SAMD12: variants seen among roughly 807,000 people sequenced by gnomAD.
SAMD12 encodes sterile alpha motif domain-containing protein 12.
A neutral mutation model predicts 15.0 loss-of-function variants in SAMD12; 9 were observed. The ratio of observed to expected loss-of-function variants is 0.60; its 90% CI spans 0.36 to 1.05. SAMD12 has a LOEUF of 1.05. SAMD12 is among the 50% of genes least tolerant of loss of function. The pLI is 0.01. For missense variants in SAMD12, 230 were observed against 234.2 expected (o/e 0.98, Z 0.12); for synonymous variants, 86 against 90.1 (o/e 0.96, Z 0.25).
chr8:118,337,854 T>C (rs1817160154), intron 4 of SAMD12, among the ~76,000 whole-genome samples: 2 of 152,200 alleles, frequency 1.3e-5, no homozygotes, highest in African/African-American at 4.8e-5. Context: ...AGTTCTCAAC[T>C]TAATAAGGAA....
intron 2 of SAMD12, among the ~76,000 whole-genome samples, chr8:118,534,565 C>T (rs1202021972): frequency 2.6e-5 from 4 of 152,242 alleles, no homozygotes; most frequent in African/African-American, 9.6e-5. Context: ...TTCTCCCTGT[C>T]ACTTTCAGGT....
At chr8:118,295,992 T>C (rs2130291430) in intron 4 of SAMD12, among the ~76,000 whole-genome samples, 1 of 152,248 alleles carries the variant, frequency 6.6e-6, no homozygotes. Context: ...AGTAAGGCAA[T>C]TCAGTAAAAT....
intron 4 of SAMD12, among the ~76,000 whole-genome samples, chr8:118,229,755 T>C (rs769122119): frequency 6.6e-6 from 1 of 152,110 alleles, no homozygotes; most frequent in Non-Finnish European, 1.5e-5. Context: ...TCCCCCTTCA[T>C]TACAGACACT....
intron 3 of SAMD12, among the ~76,000 whole-genome samples, chr8:118,429,036 CATA>C (rs963635689): frequency 2.0e-5 from 3 of 152,234 alleles, no homozygotes; most frequent in Admixed American, 2.0e-4. Context: ...GAATAATGGA[CATA>C]ATTTTAACAT....
intron 3 of SAMD12, among the ~76,000 whole-genome samples, chr8:118,421,947 A>G (rs2130846601): frequency 6.6e-6 from 1 of 152,332 alleles, no homozygotes. Context: ...GAGTTCTTTA[A>G]AAAAGTAAAA....
chr8:118,313,780 T>C (rs1815746134), intron 4 of SAMD12, among the ~76,000 whole-genome samples: 1 of 152,062 alleles, frequency 6.6e-6, no homozygotes, highest in Non-Finnish European at 1.5e-5. Context: ...CTGGTTTCTA[T>C]GATTTAATGG....
At chr8:118,437,321 G>A (rs1239978985) in intron 3 of SAMD12, among the ~76,000 whole-genome samples, 1 of 152,184 alleles carries the variant, frequency 6.6e-6, no homozygotes, top group Non-Finnish European at 1.5e-5. Context: ...TCAAAAAGAT[G>A]TAGACCAAAA....
intron 2 of SAMD12, among the ~76,000 whole-genome samples, chr8:118,517,756 A>T (rs1030869266): frequency 1.3e-5 from 2 of 152,160 alleles, no homozygotes; most frequent in African/African-American, 2.4e-5. Flanking sequence ...TTTTTTGGTA[A>T]TGTCTTTGCT....
chr8:118,182,079 T>A, the SAMD12 span, among the ~76,000 whole-genome samples: 5 of 152,212 alleles, frequency 3.3e-5, no homozygotes, highest in Non-Finnish European at 7.3e-5. Flanking sequence ...AGGGGCATCA[T>A]AAGAAACAGA....
At chr8:118,299,792 ATATGGC>A (rs1814921353) in intron 4 of SAMD12, among the ~76,000 whole-genome samples, 2 of 152,304 alleles carry the variant, frequency 1.3e-5, no homozygotes, top group African/African-American at 2.4e-5. Context: ...GCCTACAGAC[ATATGGC>A]TGTAGGCTGA....
intron 1 of SAMD12, among the ~76,000 whole-genome samples, chr8:118,587,707 GAAT>G (rs1827487486): frequency 6.6e-6 from 1 of 152,214 alleles, no homozygotes; most frequent in African/African-American, 2.4e-5. Flanking sequence ...AAAGTCAAGA[GAAT>G]AATAGTCACA....
Position 118,548,370 on chromosome 8 carries a change from A to G in SAMD12, c.192+32345T>C, listed in dbSNP as rs551581023. On this transcript the variant is annotated intron_variant, in intron 2 of 3. Transcript: ENST00000314727. ...ACAATGTGTTCATAATACCCTTTAC[A>G]CTAAAAACACACATACACACACACA... Among the ~76,000 whole-genome samples, 8 of 143,486 alleles carry G rather than the reference A, an allele frequency of 5.6e-5. No homozygotes were observed. The South Asian group carries it at 1.6e-3, about 28-fold the overall frequency. 94.1% of individuals were successfully genotyped at this position (143,486 alleles called of 152,430 possible). A position where few individuals can be genotyped will look rare whatever the true frequency, so the allele number is the denominator to read the frequency against.
At chr8:118,247,602 TA>T (rs1812726834) in intron 4 of SAMD12, among the ~76,000 whole-genome samples, 1 of 151,958 alleles carries the variant, frequency 6.6e-6, no homozygotes, top group African/African-American at 2.4e-5. Context: ...TATTTATTTT[TA>T]TTTTTTTGAG....
intron 1 of SAMD12, among the ~76,000 whole-genome samples, chr8:118,618,697 G>A (rs556213265): frequency 3.3e-5 from 5 of 152,018 alleles, no homozygotes; most frequent in Non-Finnish European, 5.9e-5. Flanking sequence ...AAAATCAGCC[G>A]GGCGTGGTAG....
chr8:118,546,574 A>G (rs1309155485), intron 2 of SAMD12, among the ~76,000 whole-genome samples: 1 of 152,198 alleles, frequency 6.6e-6, no homozygotes, highest in African/African-American at 2.4e-5. Flanking sequence ...TAAATGTTTA[A>G]TCTCTGTTAA....
intron 2 of SAMD12, among the ~76,000 whole-genome samples, chr8:118,575,480 T>G (rs1275190382): frequency 6.6e-6 from 1 of 152,196 alleles, no homozygotes; most frequent in Non-Finnish European, 1.5e-5. Flanking sequence ...ATATTTCATG[T>G]TAGGAGCATA....
the SAMD12 span, among the ~76,000 whole-genome samples, chr8:118,144,816 A>G: frequency 2.6e-5 from 4 of 152,208 alleles, no homozygotes; most frequent in Non-Finnish European, 5.9e-5. Context: ...GAAGGCCACA[A>G]TTAGCAAGTG....
intron 2 of SAMD12, among the ~76,000 whole-genome samples, chr8:118,533,763 C>G (rs1825756698): frequency 6.6e-6 from 1 of 151,500 alleles, no homozygotes; most frequent in Non-Finnish European, 1.5e-5. Context: ...GAATTGCAAC[C>G]CTTGCTTTTT....
chr8:118,203,823 C>A (rs1183179733), intron 4 of SAMD12, among the ~76,000 whole-genome samples: 1 of 149,492 alleles, frequency 6.7e-6, no homozygotes, highest in East Asian at 2.0e-4. Flanking sequence ...TGAGTGAGAA[C>A]ATGCGGTGTT....
Sources: gnomAD v4.1 joint callset for allele counts (sites outside exome capture counted in the v4.1 genomes callset) on GRCh38, gnomAD v4.1.1 for gene constraint, MANE v1.5 for transcripts, NCBI Gene and HGNC (gene_info 2026-07-23, HGNC 2026-07-21) for gene names.